Variants in PTPRT observed in about 807,000 individuals in gnomAD.
PTPRT encodes the protein receptor-type tyrosine-protein phosphatase T.
PTPRT carries 56 observed loss-of-function variants against 176.8 expected under a neutral mutation model. The ratio of observed to expected loss-of-function variants is 0.32; its 90% CI spans 0.26 to 0.40. PTPRT has a LOEUF of 0.40. PTPRT is among the 10% of genes least tolerant of loss of function. The pLI, the probability that PTPRT is intolerant of heterozygous loss-of-function variation, is 1.00. For synonymous variants in PTPRT, 783 were observed against 739.0 expected (o/e 1.06, Z -0.96); for missense variants, 1,540 against 1,908.2 (o/e 0.81, Z 3.60).
intron 6 of PTPRT, among the ~76,000 whole-genome samples, chr20:42,740,539 A>G (rs2076593725): frequency 6.6e-6 from 1 of 152,218 alleles, no homozygotes; most frequent in Non-Finnish European, 1.5e-5. Context: ...ATACGCAGTG[A>G]TGTCCCAGCC....
At chr20:42,767,315 G>T (rs1569143928) in intron 5 of PTPRT, among the ~76,000 whole-genome samples, 2 of 152,094 alleles carry the variant, frequency 1.3e-5, no homozygotes, top group Non-Finnish European at 2.9e-5. Flanking sequence ...CAGCGTGAAT[G>T]GGCACCATCC....
intron 9 of PTPRT, among the ~76,000 whole-genome samples, chr20:42,354,094 T>A (rs2058325781): frequency 6.6e-6 from 1 of 152,034 alleles, no homozygotes; most frequent in Non-Finnish European, 1.5e-5. Flanking sequence ...ATAATATACA[T>A]ACAGAAAAGC....
chr20:43,176,690 T>C (rs2015130579), intron 1 of PTPRT, among the ~76,000 whole-genome samples: 1 of 152,256 alleles, frequency 6.6e-6, no homozygotes, highest in South Asian at 2.1e-4. Context: ...GATGTATCCA[T>C]TAAATTACCC....
At chr20:42,606,227 C>T (rs1045434753) in intron 7 of PTPRT, among the ~76,000 whole-genome samples, 1 of 148,360 alleles carries the variant, frequency 6.7e-6, no homozygotes, top group African/African-American at 2.5e-5. Context: ...ATAAATAGAA[C>T]TGACCTTCTG....
At chr20:43,094,075 TTTTC>T (rs1168895372) in intron 1 of PTPRT, among the ~76,000 whole-genome samples, 17 of 147,356 alleles carry the variant, frequency 1.2e-4, no homozygotes, top group East Asian at 2.0e-4. Flanking sequence ...TTCTCTGTTT[TTTTC>T]TTTCTTTCTT....
chr20:43,028,555 G>A (rs1037767699), intron 1 of PTPRT, among the ~76,000 whole-genome samples: 2 of 152,094 alleles, frequency 1.3e-5, no homozygotes, highest in African/African-American at 4.8e-5. Context: ...TAAGCACTTT[G>A]GTCTTCTCCC....
At chr20:42,717,754 T>A (rs1410834614) in intron 6 of PTPRT, among the ~76,000 whole-genome samples, 1 of 152,202 alleles carries the variant, frequency 6.6e-6, no homozygotes, top group Non-Finnish European at 1.5e-5. Flanking sequence ...ATGATATGTA[T>A]ACAAGGACTC....
chr20:42,405,215 T>C (rs1386384561), intron 9 of PTPRT, among the ~76,000 whole-genome samples: 2 of 151,582 alleles, frequency 1.3e-5, no homozygotes, highest in Admixed American at 6.6e-5. Context: ...TATTATACTT[T>C]AAGTTCTAGG....
chr20:42,611,378 T>C (rs2073973209), intron 7 of PTPRT, among the ~76,000 whole-genome samples: 1 of 152,194 alleles, frequency 6.6e-6, no homozygotes, highest in Non-Finnish European at 1.5e-5. Flanking sequence ...GGGAGGTGCT[T>C]CTTTTATGTT....
At chr20:42,678,263 A>G in intron 6 of PTPRT, 104 bp from the exon 7 acceptor site, 1 of 1,099,030 alleles carries the variant, frequency 9.1e-7, no homozygotes, top group Non-Finnish European at 1.3e-6. Flanking sequence ...TAGCCACAAA[A>G]AAAATAGTCA....
At chr20:43,008,802 G>C (rs1984983999) in intron 1 of PTPRT, among the ~76,000 whole-genome samples, 1 of 152,142 alleles carries the variant, frequency 6.6e-6, no homozygotes, top group Non-Finnish European at 1.5e-5. Context: ...CAGGCTCCTA[G>C]TGAGCCCAGA....
intron 9 of PTPRT, among the ~76,000 whole-genome samples, chr20:42,374,619 A>G (rs1385822539): frequency 6.6e-6 from 1 of 152,232 alleles, no homozygotes; most frequent in Non-Finnish European, 1.5e-5. Context: ...AAAAACAATG[A>G]TAAATGACAT....
chr20:42,707,707 A>T (rs114275141), intron 6 of PTPRT, among the ~76,000 whole-genome samples: 87 of 152,302 alleles, frequency 5.7e-4, no homozygotes, highest in Non-Finnish European at 1.0e-3. Flanking sequence ...AGTCTCAGCT[A>T]CTGGGGGAGG....
intron 9 of PTPRT, among the ~76,000 whole-genome samples, chr20:42,442,542 C>T (rs1181858013): frequency 6.6e-6 from 1 of 152,142 alleles, no homozygotes; most frequent in African/African-American, 2.4e-5. Flanking sequence ...CTTCTCATTC[C>T]CTTTAAGCTT....
intron 16 of PTPRT, among the ~76,000 whole-genome samples, chr20:42,187,789 T>C (rs908789119): frequency 3.9e-5 from 6 of 152,214 alleles, no homozygotes; most frequent in African/African-American, 1.2e-4. Context: ...TGGACCACAT[T>C]TACACAGCCC....
At chr20:42,094,361 TTTA>T (rs1984969238) in intron 27 of PTPRT, among the ~76,000 whole-genome samples, 1 of 152,212 alleles carries the variant, frequency 6.6e-6, no homozygotes, top group Non-Finnish European at 1.5e-5. Context: ...TCATTTATTT[TTTA>T]TAGTTATCTC....
At chr20:42,623,374 C>T (rs983801697) in intron 7 of PTPRT, among the ~76,000 whole-genome samples, 2 of 152,248 alleles carry the variant, frequency 1.3e-5, no homozygotes, top group Non-Finnish European at 2.9e-5. Flanking sequence ...GCTCCCCCTC[C>T]CGTAAGGGGT....
intron 1 of PTPRT, among the ~76,000 whole-genome samples, chr20:42,887,000 C>T (rs962950776): frequency 6.6e-6 from 1 of 152,136 alleles, no homozygotes; most frequent in Non-Finnish European, 1.5e-5. Flanking sequence ...GGCTGGTCTC[C>T]CAGACCTGTT....
intron 1 of PTPRT, among the ~76,000 whole-genome samples, chr20:43,121,066 A>T (rs906463309): frequency 1.3e-5 from 2 of 152,142 alleles, no homozygotes; most frequent in Non-Finnish European, 2.9e-5. Flanking sequence ...ATCACTGTAG[A>T]TGAGTATTGC....
Sources: allele counts gnomAD v4.1 joint callset (sites outside exome capture counted in the v4.1 genomes callset), GRCh38; gene constraint gnomAD v4.1.1; transcripts MANE v1.5; gene names NCBI Gene and HGNC (gene_info 2026-07-23, HGNC 2026-07-21).